PLCXD3: variants seen among roughly 807,000 people sequenced by gnomAD.
PLCXD3 encodes phosphatidylinositol specific phospholipase C X domain containing 3.
PLCXD3 carries 19 observed loss-of-function variants against 25.5 expected under a neutral mutation model. The observed-to-expected ratio is 0.75, with a 90% CI of 0.52 to 1.09. PLCXD3 has a LOEUF of 1.09. Among genes scored for constraint, PLCXD3 ranks in the 50% least tolerant of loss-of-function variants. The pLI is 0.00. For synonymous variants in PLCXD3, 174 were observed against 137.6 expected, an observed-to-expected ratio of 1.26 and a Z score of -1.85; for missense variants, 411 against 388.1, an observed-to-expected ratio of 1.06 and a Z score of -0.50.
intron 1 of PLCXD3, among the ~76,000 whole-genome samples, chr5:41,416,007 G>T (rs1241176833): frequency 6.6e-6 from 1 of 152,174 alleles, no homozygotes; most frequent in Non-Finnish European, 1.5e-5. Flanking sequence ...GAAGGAGAGG[G>T]CTATAATGAA....
intron 2 of PLCXD3, among the ~76,000 whole-genome samples, chr5:41,314,234 TAC>T (rs1442741161): frequency 1.3e-5 from 2 of 152,202 alleles, no homozygotes; most frequent in African/African-American, 4.8e-5. Flanking sequence ...CTTCAGAAAG[TAC>T]ACAGTTTGGT....
chr5:41,423,672 G>T (rs566056046), intron 1 of PLCXD3, among the ~76,000 whole-genome samples: 2 of 152,164 alleles, frequency 1.3e-5, no homozygotes, highest in African/African-American at 4.8e-5. Context: ...CTGGCCGGGC[G>T]TGGTGGATCA....
At chr5:41,362,779 T>C (rs532849918) in intron 2 of PLCXD3, among the ~76,000 whole-genome samples, 7 of 152,172 alleles carry the variant, frequency 4.6e-5, no homozygotes, top group Non-Finnish European at 7.4e-5. Flanking sequence ...TGTAGTTTAT[T>C]ATAGTGCTGC....
intron 2 of PLCXD3, among the ~76,000 whole-genome samples, chr5:41,334,030 G>A (rs533290811): frequency 1.3e-5 from 2 of 152,224 alleles, no homozygotes; most frequent in East Asian, 3.9e-4. Flanking sequence ...ATATTATTCT[G>A]TGTGCTGAGG....
intron 1 of PLCXD3, among the ~76,000 whole-genome samples, chr5:41,464,413 A>C (rs979056789): frequency 1.3e-5 from 2 of 152,068 alleles, no homozygotes; most frequent in African/African-American, 4.8e-5. Flanking sequence ...GGTAGAATGC[A>C]TATGCTGAAA....
intron 1 of PLCXD3, among the ~76,000 whole-genome samples, chr5:41,423,364 T>G (rs1746874270): frequency 6.6e-6 from 1 of 152,038 alleles, no homozygotes; most frequent in Non-Finnish European, 1.5e-5. Context: ...GTTGAGTCAT[T>G]TTCAGTTAAG....
chr5:41,449,522 T>C (rs1747579433), intron 1 of PLCXD3, among the ~76,000 whole-genome samples: 1 of 152,160 alleles, frequency 6.6e-6, no homozygotes, highest in African/African-American at 2.4e-5. Flanking sequence ...ACTATGAGAC[T>C]AAGATTTTAG....
At chr5:41,446,087 C>T (rs1033060774) in intron 1 of PLCXD3, among the ~76,000 whole-genome samples, 2 of 139,390 alleles carry the variant, frequency 1.4e-5, no homozygotes, top group African/African-American at 2.7e-5. Flanking sequence ...TCTTGGGAGG[C>T]TGAGGCAGGA....
intron 1 of PLCXD3, among the ~76,000 whole-genome samples, chr5:41,456,887 A>G (rs1182733332): frequency 6.6e-6 from 1 of 151,940 alleles, no homozygotes; most frequent in African/African-American, 2.4e-5. Flanking sequence ...TCTGTTGTTT[A>G]AAAGCCACTC....
chr5:41,409,510 T>C (rs1392392445), intron 1 of PLCXD3, among the ~76,000 whole-genome samples: 1 of 152,212 alleles, frequency 6.6e-6, no homozygotes, highest in East Asian at 1.9e-4. Flanking sequence ...CTAAAGTATC[T>C]AACTCATCCA....
intron 2 of PLCXD3, among the ~76,000 whole-genome samples, chr5:41,366,889 T>C (rs1294666013): frequency 2.6e-5 from 4 of 152,184 alleles, no homozygotes. Flanking sequence ...GAACATGCAG[T>C]GTTTGCTTTT....
intron 2 of PLCXD3, among the ~76,000 whole-genome samples, chr5:41,340,696 T>C (rs1744115050): frequency 1.3e-5 from 2 of 152,130 alleles, no homozygotes; most frequent in African/African-American, 4.8e-5. Context: ...GGCAGAACTG[T>C]TTAGAGGGAT....
At chr5:41,497,542 G>A (rs1364728797) in intron 1 of PLCXD3, among the ~76,000 whole-genome samples, 1 of 151,698 alleles carries the variant, frequency 6.6e-6, no homozygotes, top group African/African-American at 2.4e-5. Flanking sequence ...ATATAAAGCA[G>A]TGACAGAACT....
At chr5:41,493,349 G>A (rs180860523) in intron 1 of PLCXD3, among the ~76,000 whole-genome samples, 1 of 152,272 alleles carries the variant, frequency 6.6e-6, no homozygotes, top group African/African-American at 2.4e-5. Context: ...CTACTGGGGG[G>A]TGCCTCCCAG....
At chr5:41,348,687 C>A (rs188093453) in intron 2 of PLCXD3, among the ~76,000 whole-genome samples, 1 of 152,030 alleles carries the variant, frequency 6.6e-6, no homozygotes, top group Non-Finnish European at 1.5e-5. Flanking sequence ...GCAAGACCAT[C>A]GGGCCAGGTG....
intron 1 of PLCXD3, among the ~76,000 whole-genome samples, chr5:41,403,409 T>TTTTTTTTTG (rs1367034160): frequency 5.0e-5 from 2 of 39,712 alleles, no homozygotes; most frequent in East Asian, 2.9e-4. Context: ...TTGTTTTTTT[T>TTTTTTTTTG]TTTTTTTATT....
At chr5:41,385,525 T>C (rs2150494089) in intron 1 of PLCXD3, among the ~76,000 whole-genome samples, 1 of 152,204 alleles carries the variant, frequency 6.6e-6, no homozygotes. Flanking sequence ...ATAAGCACTT[T>C]AATTTGTTTC....
chr5:41,392,462 G>T (rs964079306), intron 1 of PLCXD3, among the ~76,000 whole-genome samples: 3 of 152,124 alleles, frequency 2.0e-5, no homozygotes, highest in Non-Finnish European at 4.4e-5. Flanking sequence ...GACAATAAAG[G>T]TGATGCCTCT....
intron 2 of PLCXD3, among the ~76,000 whole-genome samples, chr5:41,344,668 A>C (rs1477714182): frequency 1.3e-5 from 2 of 152,146 alleles, no homozygotes; most frequent in Non-Finnish European, 1.5e-5. Context: ...AATTATATGA[A>C]TTACTAAAAA....
Sources: allele counts gnomAD v4.1 joint callset (sites outside exome capture counted in the v4.1 genomes callset), GRCh38; gene constraint gnomAD v4.1.1; transcripts MANE v1.5; gene names NCBI Gene and HGNC (gene_info 2026-07-23, HGNC 2026-07-21).